PCYT1A: variants seen among roughly 807,000 people sequenced by gnomAD.
PCYT1A encodes the protein phosphate cytidylyltransferase 1A, choline.
Under a neutral mutation model 43.7 loss-of-function variants are expected in PCYT1A, and 25 were observed. The observed-to-expected ratio is 0.57, with a 90% CI of 0.42 to 0.80. The LOEUF is 0.80. Among genes scored for constraint, PCYT1A ranks in the 30% least tolerant of loss-of-function variants. PCYT1A has a pLI of 0.00. For synonymous variants in PCYT1A, 172 were observed against 170.7 expected (o/e 1.01, Z -0.06); for missense variants, 421 against 474.2 (o/e 0.89, Z 1.04).
intron 3 of PCYT1A, among the ~76,000 whole-genome samples, chr3:196,249,043 A>T (rs767124084): frequency 1.1e-4 from 17 of 152,156 alleles, no homozygotes; most frequent in Non-Finnish European, 8.8e-5. Context: ...TACAGGTGTG[A>T]GCAACCGCGC....
At chr3:196,255,571 G>A (rs1003432503) in intron 3 of PCYT1A, among the ~76,000 whole-genome samples, 2 of 152,188 alleles carry the variant, frequency 1.3e-5, no homozygotes, top group African/African-American at 4.8e-5. Flanking sequence ...GCTCACTCCT[G>A]TAATCCCAGC....
intron 1 of PCYT1A, among the ~76,000 whole-genome samples, chr3:196,279,357 C>T (rs1486178288): frequency 3.3e-5 from 5 of 151,886 alleles, no homozygotes; most frequent in Non-Finnish European, 7.4e-5. Context: ...CCAACTGCTG[C>T]CTATTCACTC....
chr3:196,255,280 G>C (rs2108770631), intron 3 of PCYT1A, among the ~76,000 whole-genome samples: 1 of 152,296 alleles, frequency 6.6e-6, no homozygotes, highest in South Asian at 2.1e-4. Flanking sequence ...TTTGCTGAAG[G>C]CCTTCTATTC....
rs1048920969 is a variant in PCYT1A at position 196,268,645 on chromosome 3, G to C, written c.117+1770C>G. Among the ~76,000 whole-genome samples, 1 of 151,774 alleles carries C rather than the reference G, an allele frequency of 6.6e-6. No individual in the cohort carries two copies. Among genetic ancestry groups the C allele is most frequent in the Non-Finnish European group, 1.5e-5 (1 of 67,948 alleles). ...AAAAATAAAAATAAAAATAAAAATA[G>C]TAAGCCAGGCATGGTGGTGGGCACC... On this transcript the variant is annotated intron_variant, in intron 2 of 8. Transcript: ENST00000431016. The surrounding 1 kb of genome is among the most constrained non-coding windows in gnomAD (Gnocchi z 4.4).
At chr3:196,241,849 T>A in intron 7 of PCYT1A, 99 bp downstream of exon 7, 1 of 1,407,356 alleles carries the variant, frequency 7.1e-7, no homozygotes, top group Non-Finnish European at 1.0e-6. Flanking sequence ...TTGGGAGTGA[T>A]CATCAAAGCC....
chr3:196,239,936 T>C (rs575600281), intron 7 of PCYT1A: 21 of 535,434 alleles, frequency 3.9e-5, no homozygotes, highest in African/African-American at 7.5e-5. Context: ...GTAATTCTAA[T>C]ATTGTGGGCA....
chr3:196,242,066 G>A lies in PCYT1A; in HGVS notation c.590C>T (p.Thr197Ile). 1 of 1,614,084 alleles carries A rather than the reference G, an allele frequency of 6.2e-7. No individual in the cohort carries two copies. The highest frequency in any genetic ancestry group is 8.5e-7 in the Non-Finnish European group (1 of 1,180,018). The change falls in exon 7 of 9, where the codon ACA (threonine) becomes ATA (isoleucine). Residue 197 changes from threonine to isoleucine, a missense_variant. Around this residue, in one of 3 missense-constraint regions of PCYT1A, gnomAD observed 174 missense variants for 270.7 expected, o/e 0.64. Coordinates refer to ENST00000431016, the MANE Select transcript of PCYT1A (RefSeq NM_001312673.2). The surrounding 1 kb of genome is among the most constrained non-coding windows in gnomAD (Gnocchi z 4.2). ...EAGMFAPTQR[T>I]EGISTSDIIT... ...GATGTCTGATGTGGAGATACCTTCT[G>A]TCCTCTGTGTTGGAGCAAACATGCC... is the stretch of plus-strand genomic sequence containing the variant.
At chr3:196,238,915 A>G in intron 8 of PCYT1A, 21 bp from the exon 9 acceptor site, 13 of 1,379,324 alleles carry the variant, frequency 9.4e-6, no homozygotes, top group Non-Finnish European at 1.2e-5. Context: ...CGAAAGGAAG[A>G]GTCAGAAAAA....
At chr3:196,244,403 C>T (rs980950701) in intron 5 of PCYT1A, among the ~76,000 whole-genome samples, 12 of 151,246 alleles carry the variant, frequency 7.9e-5, no homozygotes, top group African/African-American at 2.4e-4. Flanking sequence ...ATGTGGGGAG[C>T]GCCACTGCCC....
At chr3:196,275,519 G>A (rs937639631) in intron 1 of PCYT1A, among the ~76,000 whole-genome samples, 4 of 152,114 alleles carry the variant, frequency 2.6e-5, no homozygotes, top group Non-Finnish European at 5.9e-5. Flanking sequence ...TGGATCACGA[G>A]GTCAAGAGAT....
In PCYT1A at chr3:196,273,549, T is replaced by C. The variant is rs1353935789; in HGVS notation, c.-10-3008A>G. Among the ~76,000 whole-genome samples the C allele has an allele frequency of 1.3e-5, 2 of 152,106 alleles. No homozygotes were observed. The highest frequency in any genetic ancestry group is 6.5e-5 in the Admixed American group (1 of 15,276). On this transcript the variant is annotated intron_variant, in intron 1 of 8. Transcript: ENST00000431016. This position sits in a 1 kb window ranked among gnomAD's most constrained non-coding sequence, Gnocchi z 4.1. The stretch of plus-strand genomic sequence containing the variant: ...CTTTCCGCAGCAGGTCGTCCCAGCA[T>C]CTGTGCAGCCCTCAGCGGAGAGGAG...
intron 3 of PCYT1A, among the ~76,000 whole-genome samples, chr3:196,249,973 C>A (rs985674796): frequency 6.9e-6 from 1 of 144,998 alleles, no homozygotes; most frequent in African/African-American, 2.6e-5. Context: ...AGGTTGAGTA[C>A]CACATACACT....
intron 1 of PCYT1A, among the ~76,000 whole-genome samples, chr3:196,279,469 G>A (rs1382397152): frequency 3.3e-5 from 5 of 152,082 alleles, no homozygotes; most frequent in Non-Finnish European, 5.9e-5. Flanking sequence ...AAGTACATTA[G>A]TGTCTCCAAA....
chr3:196,247,871 C>T lies in PCYT1A; in HGVS notation c.334+336G>A, dbSNP rs1724619971. On this transcript the variant is annotated intron_variant, in intron 4 of 8. Transcript: ENST00000431016. The surrounding 1 kb of genome is among the most constrained non-coding windows in gnomAD (Gnocchi z 4.8). ...ACTGGACTGGACCACCTAACATTTC[C>T]TTGGCAGACTTTTGTACTCCAGTTA... The T allele has an allele frequency of 2.1e-6, 1 of 484,608 alleles. No individual in the cohort carries two copies. The highest frequency in any genetic ancestry group is 3.8e-6 in the Non-Finnish European group (1 of 264,322). 30.0% of individuals were successfully genotyped at this position (484,608 alleles called of 1,614,324 possible). A position where few individuals can be genotyped will look rare whatever the true frequency, so the allele number is the denominator to read the frequency against.
rs1724596929 is a variant in PCYT1A, at chr3:196,247,238, TCTC to T, written c.486+126_486+128del. 1 of 923,578 alleles carries T rather than the reference TCTC, an allele frequency of 1.1e-6. No homozygotes were observed. The highest frequency in any genetic ancestry group is 1.7e-6 in the Non-Finnish European group (1 of 580,586). The allele number at this position is 923,578 out of a possible 1,614,324, so 57.2% of individuals were successfully genotyped here. A position where few individuals can be genotyped will look rare whatever the true frequency, so the allele number is the denominator to read the frequency against. ...GTTATCACTAGTAATATCACTGTCA[TCTC>T]CTACGAAACTTACATAAGAGGTAGA... On this transcript the variant is annotated intron_variant, in intron 5 of 8. Coordinates refer to ENST00000431016, the MANE Select transcript of PCYT1A (RefSeq NM_001312673.2). This position sits in a 1 kb window ranked among gnomAD's most constrained non-coding sequence, Gnocchi z 4.8.
Position 196,236,227 on chromosome 3 carries a change from C to T in PCYT1A, c.*2461G>A, listed in dbSNP as rs965361239. ...CTCCAATAGGGAGGGAGGAGGAAAA[C>T]CACGTTCCGGGCATCTCCCTGTCTA... On this transcript the variant is annotated 3_prime_UTR_variant, in exon 9 of 9. Coordinates refer to ENST00000431016, the MANE Select transcript of PCYT1A (RefSeq NM_001312673.2). 1 of 152,196 alleles carries T rather than the reference C, an allele frequency of 6.6e-6. No individual in the cohort carries two copies. The highest frequency in any genetic ancestry group is 1.5e-5 in the Non-Finnish European group (1 of 68,060). 9.4% of individuals were successfully genotyped at this position (152,196 alleles called of 1,614,324 possible).
Position 196,277,598 on chromosome 3 carries a change from C to G in PCYT1A, c.-10-7057G>C, listed in dbSNP as rs538844728. Among the ~76,000 whole-genome samples, 6 of 152,184 alleles carry G rather than the reference C, an allele frequency of 3.9e-5. No individual in the cohort carries two copies. The highest frequency in any genetic ancestry group is 8.8e-5 in the Non-Finnish European group (6 of 68,040). On this transcript the variant is annotated intron_variant, in intron 1 of 8. Transcript: ENST00000431016. The surrounding 1 kb of genome is among the most constrained non-coding windows in gnomAD (Gnocchi z 4.1). ...TTAAACTTTTACTCTGGGCTGGGCGCGGTGGCTCATGCCTGTAATCCCAGC... is the reference window on the plus strand; with the variant it reads ...TTAAACTTTTACTCTGGGCTGGGCGGGGTGGCTCATGCCTGTAATCCCAGC...
intron 2 of PCYT1A, among the ~76,000 whole-genome samples, chr3:196,260,104 G>C (rs1295367814): frequency 6.6e-6 from 1 of 151,242 alleles, no homozygotes; most frequent in Non-Finnish European, 1.5e-5. Context: ...TGGATTTTTA[G>C]TAGAGACAGG....
chr3:196,242,737 GC>G lies in PCYT1A; in HGVS notation c.487-98del. 1 of 815,356 alleles carries G rather than the reference GC, an allele frequency of 1.2e-6. No individual in the cohort carries two copies. The allele number at this position is 815,356 out of a possible 1,614,324, so 50.5% of individuals were successfully genotyped here. On this transcript the variant is annotated intron_variant, in intron 5 of 8. Transcript: ENST00000431016. This position sits in a 1 kb window ranked among gnomAD's most constrained non-coding sequence, Gnocchi z 4.2. The stretch of plus-strand genomic sequence containing the variant: ...CCCAGAAAAAGGACAATAGGCAGAG[GC>G]CAGGCCTCAGTGGACTTCATATCTC...
Sources: allele counts gnomAD v4.1 joint callset (sites outside exome capture counted in the v4.1 genomes callset), GRCh38; gene constraint gnomAD v4.1.1; regional missense constraint gnomAD v4.1.1; non-coding constraint Gnocchi (gnomAD v3.1); transcripts MANE v1.5; gene names NCBI Gene and HGNC (gene_info 2026-07-23, HGNC 2026-07-21).